Variants in JADE3 observed in about 807,000 individuals in gnomAD.
JADE3 encodes the protein jade family PHD finger 3, also known as protein Jade-3.
In JADE3, 2 loss-of-function variants were observed where a neutral mutation model predicts 50.1. That is an observed-to-expected ratio of 0.04 (90% CI 0.02 to 0.13). The LOEUF (loss-of-function observed/expected upper bound fraction) is 0.13, where lower values mean the gene tolerates loss of function less well. JADE3 is among the 10% of genes least tolerant of loss of function. The pLI is 1.00. For synonymous variants in JADE3, 218 were observed against 232.9 expected (o/e 0.94, Z 0.58); for missense variants, 475 against 634.4 (o/e 0.75, Z 2.70).
rs1378649036 is a variant in JADE3, at chrX:47,060,976, A to G, written c.*1899A>G. 2.7e-5 allele frequency: 3 copies of G among 112,246 alleles called. No homozygotes were observed. Among genetic ancestry groups the G allele is most frequent in the Non-Finnish European group, 5.6e-5 (3 of 53,205 alleles). The allele number at this position is 112,246 out of a possible 1,213,427, so 9.3% of individuals were successfully genotyped here. A position where few individuals can be genotyped will look rare whatever the true frequency, so the allele number is the denominator to read the frequency against. On this transcript the variant is annotated 3_prime_UTR_variant, in exon 11 of 11. Transcript: ENST00000614628. ...CCATATGTAATGCCATTGGGAGAGT[A>G]TTGACTAAAATATCATTCGTCAGGG...
intron 1 of JADE3, among the ~76,000 whole-genome samples, chrX:46,953,576 T>G (rs1927054386): frequency 2.7e-5 from 3 of 111,806 alleles, no homozygotes; most frequent in Non-Finnish European, 5.6e-5. Flanking sequence ...TTAATGGATG[T>G]TTTGGGTTGC....
chrX:46,939,650 G>A (rs1486421708), intron 1 of JADE3, among the ~76,000 whole-genome samples: 1 of 111,542 alleles, frequency 9.0e-6, no homozygotes, highest in African/African-American at 3.3e-5. Context: ...CAGAATTTTC[G>A]CCTCCCTCAA....
chrX:46,966,184 A>G (rs1370447962), intron 1 of JADE3, among the ~76,000 whole-genome samples: 2 of 112,244 alleles, frequency 1.8e-5, no homozygotes, highest in African/African-American at 6.5e-5. Flanking sequence ...TTGTGATGGC[A>G]TAGAGGAAGG....
intron 6 of JADE3, 71 bp downstream of exon 6, chrX:47,028,174 G>T: frequency 7.0e-6 from 5 of 712,353 alleles, no homozygotes; most frequent in Non-Finnish European, 8.7e-6. Flanking sequence ...TCTCCAGCAC[G>T]CATATCTGGG....
chrX:46,962,672 C>G (rs782737685), intron 1 of JADE3, among the ~76,000 whole-genome samples: 2 of 111,606 alleles, frequency 1.8e-5, no homozygotes, highest in African/African-American at 6.5e-5. Context: ...TATGTGAGGG[C>G]TTTGGAGACT....
chrX:47,037,050 G>GTA (rs1180884815), intron 7 of JADE3, among the ~76,000 whole-genome samples: 1 of 96,174 alleles, frequency 1.0e-5, no homozygotes, highest in Non-Finnish European at 2.0e-5. Flanking sequence ...CATGGCACAT[G>GTA]TATACATCTG....
At chrX:46,930,010 C>G (rs782746052) in intron 1 of JADE3, among the ~76,000 whole-genome samples, 1 of 112,176 alleles carries the variant, frequency 8.9e-6, no homozygotes, top group Admixed American at 9.5e-5. Context: ...GTCCTTTCAT[C>G]TCTGTATGTA....
At chrX:47,054,676 A>G (rs1929598357) in intron 9 of JADE3, 48 bp downstream of exon 9, 1 of 790,982 alleles carries the variant, frequency 1.3e-6, no homozygotes, top group African/African-American at 2.1e-5. Flanking sequence ...TCTGTGTAGA[A>G]ATGGAGGTCC....
At chrX:47,019,351 T>A (rs1556363775) in intron 4 of JADE3, among the ~76,000 whole-genome samples, 1 of 111,640 alleles carries the variant, frequency 9.0e-6, no homozygotes, top group Non-Finnish European at 1.9e-5. Context: ...AAATGATTCC[T>A]AGAGTTGTTA....
At chrX:47,004,078 G>A (rs1252569026) in intron 4 of JADE3, among the ~76,000 whole-genome samples, 4 of 107,242 alleles carry the variant, frequency 3.7e-5, no homozygotes, top group Admixed American at 1.0e-4. Context: ...AGTGTTCATC[G>A]CCACGCCCAG....
At chrX:46,986,964 A>G (rs1556354723) in intron 3 of JADE3, among the ~76,000 whole-genome samples, 1 of 112,534 alleles carries the variant, frequency 8.9e-6, no homozygotes, top group African/African-American at 3.2e-5. Flanking sequence ...TTAAAGCAGC[A>G]CACACTTATA....
At chrX:47,049,755 CTT>C (rs536912145) in intron 8 of JADE3, among the ~76,000 whole-genome samples, 10 of 55,886 alleles carry the variant, frequency 1.8e-4, no homozygotes, top group East Asian at 1.7e-3. Context: ...TCTTCTTCTT[CTT>C]TTTTTTTTTT....
At chrX:46,923,678 G>A in intron 1 of JADE3, among the ~76,000 whole-genome samples, 1 of 109,927 alleles carries the variant, frequency 9.1e-6, no homozygotes, top group Non-Finnish European at 1.9e-5. Flanking sequence ...GCTTCCCAAA[G>A]TGCTGAGATT....
intron 7 of JADE3, among the ~76,000 whole-genome samples, chrX:47,038,348 T>C (rs1418106092): frequency 3.6e-5 from 4 of 110,896 alleles, no homozygotes; most frequent in African/African-American, 1.3e-4. Flanking sequence ...TAGCTCTATT[T>C]TTTGTGTTTT....
chrX:46,958,070 C>T lies in JADE3; in HGVS notation c.-11-26814C>T, dbSNP rs188081329. On this transcript the variant is annotated intron_variant, in intron 1 of 10. Transcript: ENST00000614628. ...TCATTTATGTGATATGATCCCCAAA[C>T]TTTTTCTAGTCTTGGTTCCCCTCTC... Among the ~76,000 whole-genome samples, 7 of 111,776 alleles carry T rather than the reference C, an allele frequency of 6.3e-5. No individual in the cohort carries two copies. The East Asian group carries it at 1.7e-3, about 27-fold the overall frequency.
At chrX:47,034,175 A>C (rs1450249086) in intron 7 of JADE3, among the ~76,000 whole-genome samples, 1 of 110,998 alleles carries the variant, frequency 9.0e-6, no homozygotes, top group African/African-American at 3.3e-5. Flanking sequence ...TTAGATGCCA[A>C]ATTTTAAGTG....
chrX:47,052,617 G>A (rs1296279325), intron 8 of JADE3, among the ~76,000 whole-genome samples: 3 of 68,047 alleles, frequency 4.4e-5, no homozygotes, highest in African/African-American at 2.0e-4. Context: ...CTCAGCAACA[G>A]AGTGAGACTC....
intron 1 of JADE3, among the ~76,000 whole-genome samples, chrX:46,923,629 G>C (rs1465198759): frequency 9.3e-6 from 1 of 107,563 alleles, no homozygotes; most frequent in Non-Finnish European, 1.9e-5. Flanking sequence ...TGCCCAGTCT[G>C]GTCTTGAATT....
At chrX:47,051,264 G>A (rs1252708705) in intron 8 of JADE3, among the ~76,000 whole-genome samples, 1 of 112,106 alleles carries the variant, frequency 8.9e-6, no homozygotes, top group African/African-American at 3.2e-5. Flanking sequence ...TAGTTTAAAT[G>A]AAATATGGAA....
Sources: allele counts gnomAD v4.1 joint callset (sites outside exome capture counted in the v4.1 genomes callset), GRCh38; gene constraint gnomAD v4.1.1; transcripts MANE v1.5; gene names NCBI Gene and HGNC (gene_info 2026-07-23, HGNC 2026-07-21).